ARHGAP4: variants seen among roughly 807,000 people sequenced by gnomAD.
ARHGAP4 encodes the protein Rho GTPase activating protein 4, also known as rho GTPase-activating protein 4.
ARHGAP4 carries 25 observed loss-of-function variants against 67.6 expected under a neutral mutation model. The observed-to-expected ratio is 0.37, with a 90% CI of 0.27 to 0.52. The LOEUF (loss-of-function observed/expected upper bound fraction) is 0.52. ARHGAP4 is among the 20% of genes least tolerant of loss of function. The pLI is 0.92. For synonymous variants in ARHGAP4, 448 were observed against 373.7 expected (o/e 1.20, Z -2.29); for missense variants, 804 against 854.6 (o/e 0.94, Z 0.74).
chrX:153,922,708 C>A (rs2065104061), intron 1 of ARHGAP4, among the ~76,000 whole-genome samples: 1 of 112,393 alleles, frequency 8.9e-6, no homozygotes, highest in Non-Finnish European at 1.9e-5. Flanking sequence ...AGGCTGCCCA[C>A]CTACTCATCT....
chrX:153,925,856 A>G (rs937102077), intron 1 of ARHGAP4, among the ~76,000 whole-genome samples: 2 of 113,130 alleles, frequency 1.8e-5, no homozygotes, highest in African/African-American at 3.2e-5. Context: ...ACCAGCGGCC[A>G]CCAGTGTCTC....
At position 153,921,157 on chromosome X, in the gene ARHGAP4, G is replaced by A; in HGVS notation, c.438C>T (p.Ser146=). The change falls in exon 4 of 22, where the codon AGC becomes AGT. Residue 146 remains serine, a splice_region_variant and synonymous_variant. Coordinates refer to ENST00000350060, the MANE Select transcript of ARHGAP4 (RefSeq NM_001666.5). ...AEDVGRLVKK[S]RDLEQQLQDE... ...CCTGCAGCTGCTGCTCCAGATCCCT[G>A]CTCTAGAGGCAGAGGCAAGGGTGAG... 8.3e-7 allele frequency: 1 copy of A among 1,199,905 alleles called. No homozygotes were observed. The highest frequency in any genetic ancestry group is 1.1e-6 in the Non-Finnish European group (1 of 889,034).
Position 153,926,220 on chromosome X carries a change from G to C in ARHGAP4, c.-18C>G, listed in dbSNP as rs201476669. 3.1e-5 allele frequency: 36 copies of C among 1,177,472 alleles called. No homozygotes were observed. In the East Asian group the frequency reaches 1.1e-3, roughly 36 times the overall value. On this transcript the variant is annotated 5_prime_UTR_variant, in exon 1 of 22. Transcript: ENST00000350060. ...GCGGCCATGGCGGCCTCGCGGCCGC[G>C]CCGTCGAACCCCACTGCTCCCACGC...
chrX:153,914,103 G>A, intron 7 of ARHGAP4: 6 of 420,775 alleles, frequency 1.4e-5, no homozygotes, highest in Non-Finnish European at 2.1e-5. Flanking sequence ...CTGACGGATG[G>A]CTAAACTCAG....
rs1420024899 is a variant in ARHGAP4 at position 153,910,311 on chromosome X, G to A, written c.2016C>T (p.Asp672=). The part of the protein sequence containing the change: ...PTLLPVPAGQ[D]PVALQGRVNQ... ...TCACCCGGCCCTGCAGCGCCACCGG[G>A]TCCTGCCCAGCGGGCACCGGTAGCA... The change falls in exon 17 of 22, where the codon GAC becomes GAT. Residue 672 remains aspartate (D), a synonymous_variant. Transcript: ENST00000350060. The A allele has an allele frequency of 8.3e-7, 1 of 1,208,333 alleles. No homozygotes were observed. Among genetic ancestry groups the A allele is most frequent in the Non-Finnish European group, 1.1e-6 (1 of 894,444 alleles).
intron 19 of ARHGAP4, 66 bp from the exon 20 acceptor site, chrX:153,909,601 T>C (rs1603283849): frequency 1.2e-6 from 1 of 811,736 alleles, no homozygotes. Flanking sequence ...GGCCAGCAGC[T>C]CCGCGCCAGC....
chrX:153,909,604 G>A (rs1315311005), intron 19 of ARHGAP4, 69 bp from the exon 20 acceptor site: 30 of 1,106,557 alleles, frequency 2.7e-5, no homozygotes, highest in Middle Eastern at 2.9e-4. Context: ...CAGCAGCTCC[G>A]CGCCAGCCAG....
At chrX:153,912,842 G>A in intron 11 of ARHGAP4, 40 bp from the exon 12 acceptor site, 1 of 1,136,205 alleles carries the variant, frequency 8.8e-7, no homozygotes, top group Non-Finnish European at 1.2e-6. Flanking sequence ...GGCCAGGTGT[G>A]GAGAATAGGG....
intron 1 of ARHGAP4, 135 bp downstream of exon 1, chrX:153,926,001 T>TCCC: frequency 1.1e-6 from 1 of 916,808 alleles, no homozygotes. Flanking sequence ...GGGCTCAGGC[T>TCCC]CCCTCCTCCA....
Position 153,921,396 on chromosome X carries a change from A to G in ARHGAP4, c.404T>C (p.Ile135Thr), listed in dbSNP as rs782154515. The change falls in exon 3 of 22, where the codon ATT (isoleucine) becomes ACT (threonine). Residue 135 changes from isoleucine (I) to threonine (T), a missense_variant. Ile to Thr is a moderately conservative substitution (Grantham distance 89). This residue lies in a region of ARHGAP4 where 404 missense variants were observed against 505.9 expected (regional missense o/e 0.80). Transcript: ENST00000350060. ...GACCAGGCGCCCCACGTCCTCTGCA[A>G]TGTGACTCAGGCGCTGGGCCAGGGG... ...AGPLAQRLSH[I>T]AEDVGRLVKK... 5.5e-5 allele frequency: 67 copies of G among 1,209,595 alleles called. No individual in the cohort carries two copies. The Admixed American group carries it at 9.4e-4, about 17-fold the overall frequency.
chrX:153,920,945 T>C (rs1275489905), intron 4 of ARHGAP4, 137 bp from the exon 5 acceptor site: 19 of 937,322 alleles, frequency 2.0e-5, no homozygotes, highest in South Asian at 4.5e-5. Flanking sequence ...TAACGCCCTG[T>C]GCCTAGGGAG....
chrX:153,910,852 G>C lies in ARHGAP4; in HGVS notation c.1682-18C>G. 1 of 1,189,085 alleles carries C rather than the reference G, an allele frequency of 8.4e-7. No homozygotes were observed. Among genetic ancestry groups the C allele is most frequent in the Non-Finnish European group, 1.1e-6 (1 of 884,154 alleles). On this transcript the variant is annotated intron_variant, in intron 14 of 21. Coordinates refer to ENST00000350060, the MANE Select transcript of ARHGAP4 (RefSeq NM_001666.5). ...GTCCTCCCCTGCAGATGGGCGAGTG[G>C]TGCGGTAGGGGGAGGAAGCTGGTGA...
chrX:153,908,649 A>C (rs1603283332), intron 21 of ARHGAP4, among the ~76,000 whole-genome samples: 1 of 92,760 alleles, frequency 1.1e-5, no homozygotes, highest in Non-Finnish European at 2.1e-5. Flanking sequence ...TGTCCCTTTC[A>C]TCCTCCCTGG....
At position 153,909,721 on chromosome X, in the gene ARHGAP4, T is replaced by A. The variant is rs1172671713; in HGVS notation, c.2414+20A>T. 3 of 1,169,646 alleles carry A rather than the reference T, an allele frequency of 2.6e-6. No homozygotes were observed. Among genetic ancestry groups the A allele is most frequent in the Non-Finnish European group, 3.4e-6 (3 of 875,061 alleles). ...GGGAGACTCCGGGAGCCCTGGGGCC[T>A]GAGGGCGCGGCTCACTCACCCGGCG... On this transcript the variant is annotated intron_variant, in intron 19 of 21. Coordinates refer to ENST00000350060, the MANE Select transcript of ARHGAP4 (RefSeq NM_001666.5).
Position 153,913,896 on chromosome X carries a change from C to T in ARHGAP4, c.1033-17G>A. Reference sequence around the variant, plus strand: ...CTCAGCCACCTGCAGAGGGCGGCGGCCAGGGGGCTAAGGGCTGGGCTTGGG... The same window carrying T: ...CTCAGCCACCTGCAGAGGGCGGCGGTCAGGGGGCTAAGGGCTGGGCTTGGG... On this transcript the variant is annotated splice_polypyrimidine_tract_variant and intron_variant, in intron 7 of 21. Coordinates refer to ENST00000350060, the MANE Select transcript of ARHGAP4 (RefSeq NM_001666.5). 1.7e-6 allele frequency: 2 copies of T among 1,197,376 alleles called. No individual in the cohort carries two copies. The highest frequency in any genetic ancestry group is 2.3e-6 in the Non-Finnish European group (2 of 883,040).
chrX:153,918,930 G>A lies in ARHGAP4; in HGVS notation c.934C>T (p.Leu312=), dbSNP rs1557104649. The change falls in exon 7 of 22, where the codon CTG becomes TTG. Residue 312 remains leucine, a synonymous_variant. Coordinates refer to ENST00000350060, the MANE Select transcript of ARHGAP4 (RefSeq NM_001666.5). ...TTGGCTTTGTCCCCTGGAGGATCCA[G>A]GGCCTCCACAGCTTCTTCCAGGCTG... The part of the protein sequence containing the change: ...LGSLEEAVEA[L]DPPGDKAKVL... The A allele has an allele frequency of 8.2e-7, 1 of 1,212,292 alleles. No individual in the cohort carries two copies. Among genetic ancestry groups the A allele is most frequent in the East Asian group, 3.0e-5 (1 of 33,856 alleles).
At chrX:153,912,927 G>A (rs1472963956) in intron 11 of ARHGAP4, 97 bp downstream of exon 11, 16 of 1,127,789 alleles carry the variant, frequency 1.4e-5, no homozygotes, top group Non-Finnish European at 1.7e-5. Flanking sequence ...CGAAAACTGG[G>A]GAAGTGAGGC....
chrX:153,924,513 T>G (rs1204216205), intron 1 of ARHGAP4, among the ~76,000 whole-genome samples: 1 of 111,966 alleles, frequency 8.9e-6, no homozygotes, highest in African/African-American at 3.2e-5. Flanking sequence ...CCCTTTGTAG[T>G]GCTTATTATC....
At chrX:153,919,638 A>G in intron 5 of ARHGAP4, 1 of 1,166,972 alleles carries the variant, frequency 8.6e-7, no homozygotes, top group Non-Finnish European at 1.1e-6. Flanking sequence ...TGGAGCCAGC[A>G]CACAGGTGCA....
Sources: allele counts gnomAD v4.1 joint callset (sites outside exome capture counted in the v4.1 genomes callset), GRCh38; gene constraint gnomAD v4.1.1; regional missense constraint gnomAD v4.1.1; transcripts MANE v1.5; gene names NCBI Gene and HGNC (gene_info 2026-07-23, HGNC 2026-07-21).